NCKAP1: variants seen among roughly 807,000 people sequenced by gnomAD.
NCKAP1 encodes NCK associated protein 1.
In NCKAP1, 21 loss-of-function variants were observed where a neutral mutation model predicts 151.2. The ratio of observed to expected loss-of-function variants is 0.14; its 90% CI spans 0.10 to 0.20. The LOEUF is 0.20. Ranked by LOEUF, NCKAP1 falls within the 10% of genes least tolerant of loss-of-function variation. The pLI is 1.00. For synonymous variants in NCKAP1, 484 were observed against 451.8 expected (o/e 1.07, Z -0.90); for missense variants, 933 against 1,352.1 (o/e 0.69, Z 4.86).
At chr2:182,982,959 T>C in intron 11 of NCKAP1, 32 bp from the exon 12 acceptor site, 1 of 1,484,856 alleles carries the variant, frequency 6.7e-7, no homozygotes, top group Non-Finnish European at 9.2e-7. Context: ...TTTATTCTTA[T>C]TCAAAGATTA....
At chr2:182,984,106 TA>T (rs1697998991) in intron 10 of NCKAP1, among the ~76,000 whole-genome samples, 1 of 151,800 alleles carries the variant, frequency 6.6e-6, no homozygotes, top group South Asian at 2.1e-4. Flanking sequence ...AAGAAATTAA[TA>T]AATAGAACTT....
intron 17 of NCKAP1, among the ~76,000 whole-genome samples, chr2:182,962,846 A>G (rs1460327334): frequency 2.0e-5 from 3 of 151,156 alleles, no homozygotes; most frequent in Admixed American, 2.0e-4. Flanking sequence ...AACGCTGATC[A>G]TGCATCCATC....
chr2:183,036,227 A>G (rs1049657412), intron 1 of NCKAP1, among the ~76,000 whole-genome samples: 27 of 152,220 alleles, frequency 1.8e-4, no homozygotes, highest in African/African-American at 6.5e-4. Context: ...GGGATATTAA[A>G]GTTTGATTGC....
At chr2:182,929,000 C>CTT in intron 27 of NCKAP1, 101 bp from the exon 28 acceptor site, 5 of 649,680 alleles carry the variant, frequency 7.7e-6, no homozygotes, top group Non-Finnish European at 7.4e-6. Flanking sequence ...AAATGGTTTA[C>CTT]TTTTTTTTTT....
chr2:183,021,937 T>C (rs779876919), intron 2 of NCKAP1, among the ~76,000 whole-genome samples: 4 of 152,216 alleles, frequency 2.6e-5, no homozygotes, highest in Admixed American at 1.3e-4. Flanking sequence ...GGGTGAATTA[T>C]ATGGTATGTG....
chr2:183,000,371 C>G (rs188627609), intron 6 of NCKAP1, among the ~76,000 whole-genome samples: 2 of 151,968 alleles, frequency 1.3e-5, no homozygotes, highest in Admixed American at 6.6e-5. Flanking sequence ...TTTTCAAGAG[C>G]CTGTCAAGGA....
chr2:182,936,622 C>T (rs1696881581), intron 24 of NCKAP1, among the ~76,000 whole-genome samples: 1 of 152,018 alleles, frequency 6.6e-6, no homozygotes, highest in Non-Finnish European at 1.5e-5. Context: ...AACTTTCTAC[C>T]TTCTGTGTAG....
intron 23 of NCKAP1, among the ~76,000 whole-genome samples, chr2:182,943,798 A>C (rs1335198384): frequency 1.3e-5 from 2 of 152,216 alleles, no homozygotes; most frequent in Non-Finnish European, 2.9e-5. Flanking sequence ...GGTAGGTAAT[A>C]TTCCAAGTTT....
chr2:182,979,446 T>G (rs1697893889), intron 13 of NCKAP1, among the ~76,000 whole-genome samples: 1 of 152,092 alleles, frequency 6.6e-6, no homozygotes, highest in African/African-American at 2.4e-5. Context: ...GCTTAAAAAA[T>G]GAATATTTGA....
intron 26 of NCKAP1, among the ~76,000 whole-genome samples, chr2:182,933,159 G>A (rs1255985411): frequency 6.6e-6 from 1 of 152,144 alleles, no homozygotes; most frequent in Non-Finnish European, 1.5e-5. Context: ...AATGGCAATT[G>A]AATCAAGCCT....
chr2:182,941,215 G>T (rs1559074420), intron 24 of NCKAP1, among the ~76,000 whole-genome samples: 1 of 150,832 alleles, frequency 6.6e-6, no homozygotes, highest in Non-Finnish European at 1.5e-5. Context: ...AACTTTAACA[G>T]TTCAAGTAAA....
At chr2:183,007,934 C>CT (rs922570156) in intron 2 of NCKAP1, among the ~76,000 whole-genome samples, 13 of 151,456 alleles carry the variant, frequency 8.6e-5, no homozygotes, top group South Asian at 6.3e-4. Flanking sequence ...TTTTTGTTTT[C>CT]TTTTTTTTTG....
intron 15 of NCKAP1, among the ~76,000 whole-genome samples, chr2:182,967,912 G>A (rs961054274): frequency 2.0e-5 from 3 of 152,058 alleles, no homozygotes; most frequent in African/African-American, 4.8e-5. Context: ...GATAGGTTGT[G>A]GGGAAAAAAA....
rs574922835 is a variant in NCKAP1, at chr2:182,950,077, CG to C, written c.2601+2327del. ...ACATATGAAAAATACATGAATGTCA[CG>C]AACAGGCAAGTTATGACCATGTCTT... is the stretch of plus-strand genomic sequence containing the variant. On this transcript the variant is annotated intron_variant, in intron 23 of 30. Coordinates refer to ENST00000361354, the MANE Select transcript of NCKAP1 (RefSeq NM_013436.5). Among the ~76,000 whole-genome samples the C allele has an allele frequency of 4.6e-5, 7 of 152,056 alleles. No homozygotes were observed. The East Asian group carries it at 1.2e-3, about 25-fold the overall frequency.
intron 13 of NCKAP1, 134 bp downstream of exon 13, chr2:182,981,110 T>C (rs1697927936): frequency 1.8e-6 from 2 of 1,138,228 alleles, no homozygotes; most frequent in African/African-American, 1.6e-5. Context: ...TTCTAGGTAA[T>C]GATCTCCAAA....
At position 183,015,907 on chromosome 2, in the gene NCKAP1, AAAGG is replaced by A. The variant is rs561915363; in HGVS notation, c.219+7895_219+7898del. On this transcript the variant is annotated intron_variant, in intron 2 of 30. Coordinates refer to ENST00000361354, the MANE Select transcript of NCKAP1 (RefSeq NM_013436.5). The stretch of plus-strand genomic sequence containing the variant: ...AAAAAAAAACTATATTAAAGTTAAA[AAAGG>A]AAGTAATCAATGATCCAAAAATACT... Among the ~76,000 whole-genome samples, 20 of 152,208 alleles carry A rather than the reference AAAGG, an allele frequency of 1.3e-4. No homozygotes were observed. In the South Asian group the frequency reaches 4.1e-3, roughly 32 times the overall value.
chr2:182,981,435 T>C (rs561487322), intron 12 of NCKAP1, 59 bp from the exon 13 acceptor site: 55 of 1,315,562 alleles, frequency 4.2e-5, no homozygotes, highest in Non-Finnish European at 5.8e-5. Context: ...TTAAAGAATA[T>C]ATTCGATGCC....
chr2:182,955,590 C>A (rs1334680360), intron 20 of NCKAP1, among the ~76,000 whole-genome samples: 1 of 152,086 alleles, frequency 6.6e-6, no homozygotes, highest in Non-Finnish European at 1.5e-5. Flanking sequence ...TATTTAACAG[C>A]AACATGTGAA....
intron 17 of NCKAP1, among the ~76,000 whole-genome samples, chr2:182,962,841 T>C (rs115266576): frequency 1.6e-3 from 247 of 150,960 alleles, no homozygotes; most frequent in African/African-American, 5.5e-3. Flanking sequence ...AAAAAAACGC[T>C]GATCATGCAT....
Sources: allele counts gnomAD v4.1 joint callset (sites outside exome capture counted in the v4.1 genomes callset), GRCh38; gene constraint gnomAD v4.1.1; transcripts MANE v1.5; gene names NCBI Gene and HGNC (gene_info 2026-07-23, HGNC 2026-07-21).